NPAS3: variants seen among roughly 807,000 people sequenced by gnomAD.
NPAS3 encodes neuronal PAS domain protein 3, also known as neuronal PAS domain-containing protein 3.
In NPAS3, 14 loss-of-function variants were observed where a neutral mutation model predicts 73.1. The observed-to-expected ratio is 0.19, with a 90% CI of 0.13 to 0.30. The LOEUF (loss-of-function observed/expected upper bound fraction) is 0.30, where lower values mean the gene tolerates loss of function less well. NPAS3 is among the 10% of genes least tolerant of loss of function. NPAS3 has a pLI of 1.00. For synonymous variants in NPAS3, 620 were observed against 541.5 expected (o/e 1.14, Z -2.01); for missense variants, 1,096 against 1,250.0 (o/e 0.88, Z 1.86).
intron 9 of NPAS3, among the ~76,000 whole-genome samples, chr14:33,790,917 C>A (rs1386495665): frequency 6.6e-6 from 1 of 152,206 alleles, no homozygotes; most frequent in African/African-American, 2.4e-5. Context: ...GATCCATCCA[C>A]CTTGGCCTCC....
chr14:33,621,004 C>A (rs76793235), intron 5 of NPAS3, among the ~76,000 whole-genome samples: 263 of 152,160 alleles, frequency 1.7e-3, no homozygotes, highest in African/African-American at 6.2e-3. Context: ...TATGTCGTTA[C>A]AAATGAGTCA....
chr14:33,554,038 C>A (rs1318301164), intron 4 of NPAS3, among the ~76,000 whole-genome samples: 1 of 152,196 alleles, frequency 6.6e-6, no homozygotes, highest in East Asian at 1.9e-4. Context: ...CTTTCCAACT[C>A]TTTTAACTGC....
intron 3 of NPAS3, among the ~76,000 whole-genome samples, chr14:33,318,784 A>T (rs1267506506): frequency 6.6e-6 from 1 of 152,150 alleles, no homozygotes; most frequent in Non-Finnish European, 1.5e-5. Context: ...TATTGACCAA[A>T]TGATATCCTT....
chr14:33,450,877 A>G (rs187256564), intron 4 of NPAS3, among the ~76,000 whole-genome samples: 315 of 152,310 alleles, frequency 2.1e-3, no homozygotes, highest in Admixed American at 3.4e-3. Context: ...CTTTTTTACT[A>G]CATAAAAACT....
chr14:33,161,536 C>T (rs529672053), intron 2 of NPAS3, among the ~76,000 whole-genome samples: 7 of 152,294 alleles, frequency 4.6e-5, no homozygotes, highest in Admixed American at 2.0e-4. Context: ...GATACTAATA[C>T]ATTGGTATCA....
At chr14:33,705,884 C>A (rs2060643507) in intron 6 of NPAS3, among the ~76,000 whole-genome samples, 1 of 152,206 alleles carries the variant, frequency 6.6e-6, no homozygotes, top group African/African-American at 2.4e-5. Context: ...CTGTCAAGTT[C>A]CTCTACCTTT....
intron 4 of NPAS3, among the ~76,000 whole-genome samples, chr14:33,466,340 C>G (rs1411385147): frequency 6.6e-6 from 1 of 152,094 alleles, no homozygotes; most frequent in Non-Finnish European, 1.5e-5. Flanking sequence ...AACACAGATG[C>G]TAGAAAAAGC....
chr14:33,087,507 A>G (rs1431338281), intron 2 of NPAS3, among the ~76,000 whole-genome samples: 3 of 152,060 alleles, frequency 2.0e-5, no homozygotes, highest in African/African-American at 7.2e-5. Context: ...AACTATAAAA[A>G]ATAGATTCAT....
intron 5 of NPAS3, among the ~76,000 whole-genome samples, chr14:33,589,083 TC>T (rs898037692): frequency 6.6e-5 from 10 of 152,168 alleles, no homozygotes; most frequent in African/African-American, 2.4e-4. Flanking sequence ...TTTGTCCTCA[TC>T]CCCCAAAAAT....
intron 6 of NPAS3, among the ~76,000 whole-genome samples, chr14:33,715,106 A>G (rs1426070882): frequency 1.3e-5 from 2 of 152,174 alleles, no homozygotes; most frequent in African/African-American, 4.8e-5. Flanking sequence ...GTATGTTTTT[A>G]TAGCTTGAGC....
chr14:33,436,372 T>A (rs2048991044), intron 4 of NPAS3, among the ~76,000 whole-genome samples: 1 of 152,206 alleles, frequency 6.6e-6, no homozygotes. Flanking sequence ...GGGGCAAGTG[T>A]GGTATATTTC....
At chr14:33,066,949 T>C (rs553866752) in intron 2 of NPAS3, among the ~76,000 whole-genome samples, 8 of 152,216 alleles carry the variant, frequency 5.3e-5, no homozygotes, top group African/African-American at 1.9e-4. Flanking sequence ...AAATATGGGG[T>C]GCTGTGGTCT....
At chr14:33,703,471 G>A (rs2060576102) in intron 6 of NPAS3, among the ~76,000 whole-genome samples, 1 of 152,126 alleles carries the variant, frequency 6.6e-6, no homozygotes, top group Non-Finnish European at 1.5e-5. Context: ...TTCAGCTTGG[G>A]CGACAGAGCA....
chr14:33,114,871 A>C (rs2043010441), intron 2 of NPAS3, among the ~76,000 whole-genome samples: 1 of 152,186 alleles, frequency 6.6e-6, no homozygotes, highest in African/African-American at 2.4e-5. Flanking sequence ...ATTAGGGTAG[A>C]TTACAATGCT....
chr14:33,543,486 T>A (rs951623193), intron 4 of NPAS3, among the ~76,000 whole-genome samples: 7 of 152,158 alleles, frequency 4.6e-5, no homozygotes, highest in African/African-American at 1.7e-4. Flanking sequence ...TTTCTGGGAC[T>A]ACTAGATGTC....
intron 1 of NPAS3, among the ~76,000 whole-genome samples, chr14:33,023,996 T>C (rs1007356954): frequency 1.3e-5 from 2 of 152,096 alleles, no homozygotes; most frequent in African/African-American, 4.8e-5. Context: ...TATGGATAAA[T>C]TGAAGGAAAA....
intron 2 of NPAS3, among the ~76,000 whole-genome samples, chr14:33,091,753 C>A (rs2042231793): frequency 6.6e-6 from 1 of 152,098 alleles, no homozygotes; most frequent in Non-Finnish European, 1.5e-5. Context: ...TCCAGCAGCA[C>A]ATCAAAAAGC....
At chr14:33,777,608 A>T (rs1011068777) in intron 8 of NPAS3, among the ~76,000 whole-genome samples, 1 of 152,184 alleles carries the variant, frequency 6.6e-6, no homozygotes, top group African/African-American at 2.4e-5. Context: ...TAAACAAAAA[A>T]TATATTCCAC....
intron 4 of NPAS3, among the ~76,000 whole-genome samples, chr14:33,403,353 TA>T (rs1223222948): frequency 1.3e-5 from 2 of 152,116 alleles, no homozygotes; most frequent in African/African-American, 2.4e-5. Context: ...GCTTGTGGTA[TA>T]TTTTTTTATA....
Sources: allele counts gnomAD v4.1 joint callset (sites outside exome capture counted in the v4.1 genomes callset), GRCh38; gene constraint gnomAD v4.1.1; transcripts MANE v1.5; gene names NCBI Gene and HGNC (gene_info 2026-07-23, HGNC 2026-07-21).